The following RALGAPA2 variants were observed in gnomAD, a reference collection of about 807,000 sequenced individuals.
RALGAPA2 encodes ral GTPase-activating protein subunit alpha-2.
Under a neutral mutation model 230.4 loss-of-function variants are expected in RALGAPA2, and 139 were observed. The ratio of observed to expected loss-of-function variants is 0.60; its 90% CI spans 0.53 to 0.69. The LOEUF is 0.69. RALGAPA2 is among the 30% of genes least tolerant of loss of function. RALGAPA2 has a pLI of 0.00. For synonymous variants in RALGAPA2, 847 were observed against 837.8 expected (o/e 1.01, Z -0.19); for missense variants, 2,163 against 2,276.0 (o/e 0.95, Z 1.01).
chr20:20,630,709 C>G (rs998509272), intron 9 of RALGAPA2, among the ~76,000 whole-genome samples: 2 of 152,152 alleles, frequency 1.3e-5, no homozygotes, highest in South Asian at 2.1e-4. Context: ...GAGTATGGTA[C>G]AGAAAGAAGA....
intron 23 of RALGAPA2, among the ~76,000 whole-genome samples, chr20:20,548,428 T>C (rs1482328348): frequency 6.6e-6 from 1 of 152,200 alleles, no homozygotes; most frequent in Non-Finnish European, 1.5e-5. Context: ...TTAAAATTAC[T>C]GTATAATGCT....
intron 36 of RALGAPA2, among the ~76,000 whole-genome samples, chr20:20,477,693 C>A (rs1569431407): frequency 6.6e-6 from 1 of 152,162 alleles, no homozygotes; most frequent in Non-Finnish European, 1.5e-5. Flanking sequence ...TCAAGCAATT[C>A]TAGTGCCTCA....
chr20:20,513,327 G>T, intron 31 of RALGAPA2, 43 bp from the exon 32 acceptor site: 3 of 1,234,554 alleles, frequency 2.4e-6, no homozygotes, highest in Non-Finnish European at 3.1e-6. Flanking sequence ...AGTGGTGAAT[G>T]AAGATTAAAA....
intron 25 of RALGAPA2, among the ~76,000 whole-genome samples, chr20:20,536,094 C>T (rs2145608417): frequency 6.6e-6 from 1 of 152,314 alleles, no homozygotes; most frequent in East Asian, 1.9e-4. Flanking sequence ...TTTTCTTTTA[C>T]TTCAATTGAA....
intron 10 of RALGAPA2, among the ~76,000 whole-genome samples, chr20:20,624,119 G>A (rs1316030469): frequency 2.0e-5 from 3 of 152,154 alleles, no homozygotes; most frequent in African/African-American, 7.2e-5. Context: ...CTGAGGTCAG[G>A]AGTTCGAGAC....
intron 2 of RALGAPA2, among the ~76,000 whole-genome samples, chr20:20,679,470 C>T (rs543140070): frequency 6.6e-6 from 1 of 152,192 alleles, no homozygotes; most frequent in Non-Finnish European, 1.5e-5. Flanking sequence ...CGCTACTTTA[C>T]AAGATACTTG....
intron 37 of RALGAPA2, among the ~76,000 whole-genome samples, chr20:20,453,098 C>T (rs955844821): frequency 2.0e-5 from 3 of 152,154 alleles, no homozygotes; most frequent in South Asian, 2.1e-4. Flanking sequence ...CATTGCATTG[C>T]GTTTGCATAA....
At chr20:20,436,747 G>A (rs1462437208) in intron 37 of RALGAPA2, among the ~76,000 whole-genome samples, 2 of 152,230 alleles carry the variant, frequency 1.3e-5, no homozygotes, top group Non-Finnish European at 2.9e-5. Context: ...TGGCCTAGTC[G>A]GGTGAGTAGC....
At chr20:20,651,875 T>A (rs951204194) in intron 4 of RALGAPA2, among the ~76,000 whole-genome samples, 3 of 152,232 alleles carry the variant, frequency 2.0e-5, no homozygotes, top group Non-Finnish European at 2.9e-5. Flanking sequence ...ATTCCTACGG[T>A]ACCATGGAGC....
intron 23 of RALGAPA2, among the ~76,000 whole-genome samples, chr20:20,555,868 A>G (rs1397242525): frequency 6.6e-6 from 1 of 151,882 alleles, no homozygotes; most frequent in Non-Finnish European, 1.5e-5. Context: ...CATATCTTTC[A>G]TTTTTCTTTC....
rs546716645 is a variant in RALGAPA2 at position 20,534,370 on chromosome 20, G to A, written c.3473+1375C>T. On this transcript the variant is annotated intron_variant, in intron 26 of 39. Coordinates refer to ENST00000202677, the MANE Select transcript of RALGAPA2 (RefSeq NM_020343.4). ...TGAGGCAGGAGAATGGCGTGAACCCGGGAGGTGGAGTTTGCAGTGAGCCGA... is the reference window on the plus strand; with the variant it reads ...TGAGGCAGGAGAATGGCGTGAACCCAGGAGGTGGAGTTTGCAGTGAGCCGA... 4.6e-5 allele frequency among the ~76,000 whole-genome samples: 7 copies of A among 152,056 alleles called. No homozygotes were observed. The South Asian group carries it at 6.2e-4, about 14-fold the overall frequency.
In RALGAPA2 at chr20:20,535,751, T is replaced by A. The variant is rs1236549526; in HGVS notation, c.3467A>T (p.Tyr1156Phe). The change falls in exon 26 of 40, where the codon TAT becomes TTT. Residue 1156 changes from tyrosine (Y) to phenylalanine (F), a missense_variant. Physicochemically the swap from Tyr to Phe is conservative, Grantham distance 22. Coordinates refer to ENST00000202677, the MANE Select transcript of RALGAPA2 (RefSeq NM_020343.4). ...LKNATEEPNE[Y>F]ARCIAVCSLG... ...CCTCTTATTCAACATTTACCTTGCA[T>A]ATTCATTTGGTTCTTCTGTGGCATT... is the stretch of plus-strand genomic sequence containing the variant. 6.5e-7 allele frequency: 1 copy of A among 1,548,790 alleles called. No homozygotes were observed. Among genetic ancestry groups the A allele is most frequent in the South Asian group, 1.2e-5 (1 of 83,124 alleles).
intron 23 of RALGAPA2, among the ~76,000 whole-genome samples, chr20:20,560,229 C>T (rs931298971): frequency 1.3e-5 from 2 of 152,084 alleles, no homozygotes; most frequent in African/African-American, 4.8e-5. Context: ...ATGAAGGGAC[C>T]ATGCTGCACG....
chr20:20,533,766 G>C (rs894595792), intron 26 of RALGAPA2, among the ~76,000 whole-genome samples: 4 of 152,078 alleles, frequency 2.6e-5, no homozygotes, highest in Non-Finnish European at 5.9e-5. Context: ...CAATTTCAAA[G>C]ACTGCTGTAA....
intron 38 of RALGAPA2, among the ~76,000 whole-genome samples, chr20:20,411,751 A>G (rs183794984): frequency 6.6e-6 from 1 of 152,194 alleles, no homozygotes; most frequent in Admixed American, 6.5e-5. Flanking sequence ...AGAAACCCAC[A>G]CTCCTGAATG....
chr20:20,423,760 G>A (rs1465755782), intron 37 of RALGAPA2, among the ~76,000 whole-genome samples: 1 of 152,130 alleles, frequency 6.6e-6, no homozygotes, highest in East Asian at 1.9e-4. Context: ...GTCACAGCCT[G>A]GTAACAGGTA....
chr20:20,473,626 T>C (rs2061586766), intron 36 of RALGAPA2, among the ~76,000 whole-genome samples: 1 of 152,188 alleles, frequency 6.6e-6, no homozygotes, highest in African/African-American at 2.4e-5. Context: ...GGATTACAGT[T>C]GCACCACCAC....
intron 27 of RALGAPA2, among the ~76,000 whole-genome samples, 194 bp from the exon 28 acceptor site, chr20:20,526,556 C>G (rs570084514): frequency 6.6e-6 from 1 of 152,178 alleles, no homozygotes; most frequent in Admixed American, 6.5e-5. Context: ...TGTCTCTTCT[C>G]TAGCCTCACT....
At chr20:20,492,571 T>C (rs2062089291) in intron 36 of RALGAPA2, among the ~76,000 whole-genome samples, 1 of 152,166 alleles carries the variant, frequency 6.6e-6, no homozygotes, top group Non-Finnish European at 1.5e-5. Flanking sequence ...TTGTACCAAA[T>C]GGCTGAGAAT....
Sources: allele counts gnomAD v4.1 joint callset (sites outside exome capture counted in the v4.1 genomes callset), GRCh38; gene constraint gnomAD v4.1.1; transcripts MANE v1.5; gene names NCBI Gene and HGNC (gene_info 2026-07-23, HGNC 2026-07-21).